The following ZNF219 variants were observed in gnomAD, a reference collection of about 807,000 sequenced individuals.
ZNF219 encodes zinc finger protein 219.
A neutral mutation model predicts 54.4 loss-of-function variants in ZNF219; 17 were observed. That is an observed-to-expected ratio of 0.31 (90% CI 0.21 to 0.47). The LOEUF is 0.47. Among genes scored for constraint, ZNF219 ranks in the 20% least tolerant of loss-of-function variants. The pLI is 1.00. For synonymous variants in ZNF219, 518 were observed against 476.4 expected (o/e 1.09, Z -1.14); for missense variants, 1,014 against 1,062.3 (o/e 0.95, Z 0.63).
chr14:21,102,603 C>G (rs1362197573), upstream of ZNF219: 2 of 1,550,996 alleles, frequency 1.3e-6, no homozygotes, highest in South Asian at 1.2e-5. Context: ...GGTGCGGGGT[C>G]CCTGCATTCT....
At chr14:21,100,225 G>T (rs961825134), upstream of ZNF219, among the ~76,000 whole-genome samples, 4 of 152,058 alleles carry the variant, frequency 2.6e-5, no homozygotes, top group African/African-American at 9.7e-5. Flanking sequence ...AATTAGCCAG[G>T]CATGGTGGCA....
intron 1 of ZNF219, among the ~76,000 whole-genome samples, 181 bp downstream of exon 1, chr14:21,098,131 A>C (rs1377143317): frequency 1.3e-4 from 14 of 106,446 alleles, no homozygotes; most frequent in East Asian, 1.0e-3. Context: ...CCGCCCCCCC[A>C]GGAGCTCTGG....
chr14:21,094,569 G>T, intron 1 of ZNF219: 1 of 372,916 alleles, frequency 2.7e-6, no homozygotes, highest in Non-Finnish European at 5.3e-6. Flanking sequence ...GTGAGGGACG[G>T]GGGGCGGGGC....
chr14:21,103,372 G>GC, upstream of ZNF219: 1 of 1,443,452 alleles, frequency 6.9e-7, no homozygotes. Flanking sequence ...CTCAAAGCAG[G>GC]CCCTTTTTTC....
At chr14:21,101,100 G>A, upstream of ZNF219, 1 of 366,370 alleles carries the variant, frequency 2.7e-6, no homozygotes, top group Non-Finnish European at 5.1e-6. Flanking sequence ...GGACAAGTTT[G>A]TCGTCTGCTC....
At chr14:21,102,373 GGCTGGGCAGGGCTGA>G, upstream of ZNF219, 1 of 1,550,690 alleles carries the variant, frequency 6.4e-7, no homozygotes, top group Non-Finnish European at 8.7e-7. Context: ...GACTCCCCTA[GGCTGGGCAGGGCTGA>G]GCTGGCTCAC....
In ZNF219 at chr14:21,092,003, C is replaced by T. The variant is rs150490488; in HGVS notation, c.1294G>A (p.Val432Met). Residue 432 changes from valine to methionine, a missense_variant, in exon 3 of 5, where the codon GTG (valine) becomes ATG (methionine). Around this residue, in one of 5 missense-constraint regions of ZNF219, gnomAD observed 272 missense variants for 248.9 expected, o/e 1.09. Transcript: ENST00000360947. ...CAGGTTTCCTCCTCGGCCTCCACCA[C>T]CTCCTCTTCTTCCTCAGGCTCCTCC... Reference protein sequence around the residue: ...RAEEPEEEEEVVEAEEETWAR... With the variant: ...RAEEPEEEEEMVEAEEETWAR... 1.1e-5 allele frequency: 17 copies of T among 1,557,304 alleles called. No individual in the cohort carries two copies. The East Asian group carries it at 3.9e-4, about 35-fold the overall frequency.
Position 21,091,901 on chromosome 14 carries a change from C to A in ZNF219, c.1396G>T (p.Ala466Ser). Residue 466 changes from alanine to serine, a missense_variant, in exon 3 of 5, where the codon GCT becomes TCT. Physicochemically the swap from Ala to Ser is moderately conservative, Grantham distance 99. This residue lies in a region of ZNF219 where 272 missense variants were observed against 248.9 expected (regional missense o/e 1.09). Coordinates refer to ENST00000360947, the MANE Select transcript of ZNF219 (RefSeq NM_016423.3). ...GTCGATCTTGCCTGGGCCCCAGCAGCAGAGGCAGAGTGCCCCGGTCCCTCA... is the reference window on the plus strand; with the variant it reads ...GTCGATCTTGCCTGGGCCCCAGCAGAAGAGGCAGAGTGCCCCGGTCCCTCA... ...PGEGPGHSAS[A>S]AGAQARSTAT... is the part of the protein sequence containing the mutation. The A allele has an allele frequency of 6.3e-7, 1 of 1,586,842 alleles. No individual in the cohort carries two copies. Among genetic ancestry groups the A allele is most frequent in the Admixed American group, 1.8e-5 (1 of 55,914 alleles).
In ZNF219 at chr14:21,090,983, C is replaced by G; in HGVS notation, c.1722G>C (p.Pro574=). The change falls in exon 5 of 5, where the codon CCG becomes CCC. Residue 574 remains proline, a synonymous_variant. Transcript: ENST00000360947. This position sits in a 1 kb window ranked among gnomAD's most constrained non-coding sequence, Gnocchi z 4.4. ...PPPPSQRGSA[P]QSGAKPSPQP... is the part of the protein sequence containing the mutation. ...GCGGAGACGGCTTGGCTCCAGATTG[C>G]GGGGCCGAACCCCGCTGGGAAGGAG... 1 of 1,548,626 alleles carries G rather than the reference C, an allele frequency of 6.5e-7. No homozygotes were observed. Among genetic ancestry groups the G allele is most frequent in the Non-Finnish European group, 8.7e-7 (1 of 1,153,944 alleles).
At chr14:21,091,667 G>C in intron 3 of ZNF219, 125 bp from the exon 4 acceptor site, 1 of 1,478,386 alleles carries the variant, frequency 6.8e-7, no homozygotes, top group Non-Finnish European at 9.0e-7. Context: ...AAAGTCTGAG[G>C]GGTTAGATTT....
In ZNF219 at chr14:21,092,506, G is replaced by A; in HGVS notation, c.791C>T (p.Ala264Val). 1 of 1,551,100 alleles carries A rather than the reference G, an allele frequency of 6.4e-7. No homozygotes were observed. Residue 264 changes from alanine to valine, a missense_variant, in exon 3 of 5, where the codon GCT becomes GTT. Physicochemically the swap from Ala to Val is moderately conservative, Grantham distance 64. Transcript: ENST00000360947. ...REATPTPAPA[A>V]PEEPPAPPEF... Reference sequence around the variant, plus strand: ...CGGAGGCGCTGGGGGCTCCTCGGGAGCGGCAGGAGCTGGGGTCGGGGTTGC... The same window carrying A: ...CGGAGGCGCTGGGGGCTCCTCGGGAACGGCAGGAGCTGGGGTCGGGGTTGC...
In ZNF219 at chr14:21,090,855, C is replaced by G; in HGVS notation, c.1850G>C (p.Arg617Pro). 1 of 1,554,978 alleles carries G rather than the reference C, an allele frequency of 6.4e-7. No homozygotes were observed. The highest frequency in any genetic ancestry group is 8.7e-7 in the Non-Finnish European group (1 of 1,150,660). Reference protein sequence around the residue: ...RKPASPGRTLRNGRGGEAEPL... With the variant: ...RKPASPGRTLPNGRGGEAEPL... The stretch of plus-strand genomic sequence containing the variant: ...TTCGGCCTCACCGCCTCGCCCGTTG[C>G]GCAGGGTCCTCCCAGGGCTGGCGGG... Residue 617 changes from arginine (R) to proline (P), a missense_variant, in exon 5 of 5, where the codon CGC (arginine) becomes CCC (proline). Transcript: ENST00000360947. This position sits in a 1 kb window ranked among gnomAD's most constrained non-coding sequence, Gnocchi z 4.4.
chr14:21,093,742 C>G (rs1207905128), intron 1 of ZNF219, 68 bp from the exon 2 acceptor site: 7 of 1,402,590 alleles, frequency 5.0e-6, no homozygotes, highest in African/African-American at 1.4e-5. Context: ...CACTCCCTAC[C>G]CCCAGACTCT....
Position 21,090,273 on chromosome 14 carries a change from G to A in ZNF219, c.*263C>T, listed in dbSNP as rs982258639. ...AGACTGGCAGAGTGGCTCCTCAACA[G>A]GGACACAAACCTTCTCTGCCAGCCC... is the stretch of plus-strand genomic sequence containing the variant. On this transcript the variant is annotated 3_prime_UTR_variant, in exon 5 of 5. Transcript: ENST00000360947. This position sits in a 1 kb window ranked among gnomAD's most constrained non-coding sequence, Gnocchi z 4.4. 1 of 687,878 alleles carries A rather than the reference G, an allele frequency of 1.5e-6. No homozygotes were observed. Among genetic ancestry groups the A allele is most frequent in the Non-Finnish European group, 2.7e-6 (1 of 376,412 alleles). 42.6% of individuals were successfully genotyped at this position (687,878 alleles called of 1,614,324 possible). A position where few individuals can be genotyped will look rare whatever the true frequency, so the allele number is the denominator to read the frequency against.
At chr14:21,103,345 A>G (rs1889769546), upstream of ZNF219, 3 of 1,473,968 alleles carry the variant, frequency 2.0e-6, no homozygotes, top group East Asian at 7.4e-5. Context: ...GAAGTCCGGG[A>G]GTGCCTTCAG....
upstream of ZNF219, chr14:21,103,534 T>G: frequency 2.4e-6 from 1 of 423,048 alleles, no homozygotes; most frequent in Non-Finnish European, 4.2e-6. Context: ...TTTTCTTTTC[T>G]GTCCACCTTT....
At position 21,092,152 on chromosome 14, in the gene ZNF219, A is replaced by G. The variant is rs944035197; in HGVS notation, c.1145T>C (p.Leu382Pro). The G allele has an allele frequency of 2.7e-6, 4 of 1,475,474 alleles. No homozygotes were observed. Among genetic ancestry groups the G allele is most frequent in the Non-Finnish European group, 2.7e-6 (3 of 1,118,696 alleles). The allele number at this position is 1,475,474 out of a possible 1,614,324, so 91.4% of individuals were successfully genotyped here. ...CCGGCCCTCGCCAGCTCGCAGGCTC[A>G]GGTAGCCCAAGAGGCTCGGGGGCTC... ...RREPPSLLGY[L>P]SLRAGEGRPN... The change falls in exon 3 of 5, where the codon CTG (leucine) becomes CCG (proline). Residue 382 changes from leucine (L) to proline (P), a missense_variant. Coordinates refer to ENST00000360947, the MANE Select transcript of ZNF219 (RefSeq NM_016423.3).
upstream of ZNF219, chr14:21,102,746 G>T: frequency 6.4e-7 from 1 of 1,551,090 alleles, no homozygotes. Flanking sequence ...GATGCTGCAG[G>T]AGCCAGAGTC....
Position 21,093,321 on chromosome 14 carries a change from G to T in ZNF219, c.7-31C>A, listed in dbSNP as rs553746956. 1.2e-5 allele frequency: 18 copies of T among 1,542,644 alleles called. No individual in the cohort carries two copies. The South Asian group carries it at 1.6e-4, about 14-fold the overall frequency. On this transcript the variant is annotated intron_variant, in intron 2 of 4. Coordinates refer to ENST00000360947, the MANE Select transcript of ZNF219 (RefSeq NM_016423.3). ...GAGAAAGATCTGCGTAGAGCAAAGGGTGAAGGTAGAGCTGTAAAGGAAGCA... is the reference window on the plus strand; with the variant it reads ...GAGAAAGATCTGCGTAGAGCAAAGGTTGAAGGTAGAGCTGTAAAGGAAGCA...
Sources: gnomAD v4.1 joint callset for allele counts (sites outside exome capture counted in the v4.1 genomes callset) on GRCh38, gnomAD v4.1.1 for gene constraint, gnomAD v4.1.1 regional missense constraint, Gnocchi (gnomAD v3.1) non-coding constraint, MANE v1.5 for transcripts, NCBI Gene and HGNC (gene_info 2026-07-23, HGNC 2026-07-21) for gene names.